Variants in CDK5RAP2 observed in about 807,000 individuals in gnomAD.
CDK5RAP2 encodes CDK5 regulatory subunit-associated protein 2.
Under a neutral mutation model 232.9 loss-of-function variants are expected in CDK5RAP2, and 147 were observed. The ratio of observed to expected loss-of-function variants is 0.63; its 90% CI spans 0.55 to 0.72. The LOEUF (loss-of-function observed/expected upper bound fraction) is 0.72. CDK5RAP2 is among the 30% of genes least tolerant of loss of function. CDK5RAP2 has a pLI of 0.00. For synonymous variants in CDK5RAP2, 833 were observed against 833.7 expected (o/e 1.00, Z 0.01); for missense variants, 2,195 against 2,231.5 (o/e 0.98, Z 0.33).
At chr9:120,431,868 C>T (rs2035303294) in intron 25 of CDK5RAP2, among the ~76,000 whole-genome samples, 1 of 152,196 alleles carries the variant, frequency 6.6e-6, no homozygotes, top group Non-Finnish European at 1.5e-5. Flanking sequence ...ACAGTGGAAA[C>T]TCTGGCTGCA....
chr9:120,482,820 G>C (rs901587521), intron 14 of CDK5RAP2, among the ~76,000 whole-genome samples: 1 of 152,210 alleles, frequency 6.6e-6, no homozygotes, highest in Non-Finnish European at 1.5e-5. Context: ...ATGGAAGTCA[G>C]ACTGAGTCAA....
chr9:120,512,203 G>A (rs2040125828), intron 12 of CDK5RAP2, among the ~76,000 whole-genome samples: 1 of 152,170 alleles, frequency 6.6e-6, no homozygotes, highest in African/African-American at 2.4e-5. Flanking sequence ...TAACAAATTA[G>A]CCAGGTGTGG....
chr9:120,477,284 CGTGTATGCGCGTGCATGTGTGTGT>C (rs1325252372), intron 15 of CDK5RAP2, 42 bp downstream of exon 15: 2 of 1,106,608 alleles, frequency 1.8e-6, no homozygotes, highest in Admixed American at 3.4e-5. Context: ...AGGGTGTGTG[CGTGTATGCGCGTGCATGTGTGTGT>C]GTTCGCATTC....
intron 3 of CDK5RAP2, among the ~76,000 whole-genome samples, chr9:120,551,513 A>G (rs1034168182): frequency 1.3e-5 from 2 of 152,238 alleles, no homozygotes; most frequent in African/African-American, 4.8e-5. Context: ...AAATAAATCA[A>G]TGAGAGCAAA....
rs189277622 is a variant in CDK5RAP2, at chr9:120,399,444, G to A, written c.5451+1298C>T. Among the ~76,000 whole-genome samples the A allele has an allele frequency of 5.3e-5, 8 of 152,260 alleles. No individual in the cohort carries two copies. The East Asian group carries it at 1.3e-3, about 26-fold the overall frequency. On this transcript the variant is annotated intron_variant, in intron 35 of 37. Coordinates refer to ENST00000349780, the MANE Select transcript of CDK5RAP2 (RefSeq NM_018249.6). ...TCTGAAGGAAAATAGAGGAAGACAGGCATTAAACAAATATACAATTATAAC... is the reference window on the plus strand; with the variant it reads ...TCTGAAGGAAAATAGAGGAAGACAGACATTAAACAAATATACAATTATAAC...
intron 3 of CDK5RAP2, among the ~76,000 whole-genome samples, chr9:120,560,946 G>A (rs1047144261): frequency 4.0e-5 from 6 of 151,502 alleles, no homozygotes; most frequent in Non-Finnish European, 7.4e-5. Context: ...AATGGTATGT[G>A]TATACACACA....
In CDK5RAP2 at chr9:120,536,439, G is replaced by A. The variant is rs1405466162; in HGVS notation, c.595C>T (p.Leu199Phe). 1 of 1,614,058 alleles carries A rather than the reference G, an allele frequency of 6.2e-7. No individual in the cohort carries two copies. Among genetic ancestry groups the A allele is most frequent in the Non-Finnish European group, 8.5e-7 (1 of 1,180,032 alleles). The change falls in exon 7 of 38, where the codon CTT becomes TTT. Residue 199 changes from leucine (L) to phenylalanine (F), a missense_variant. Transcript: ENST00000349780. ...KALRLRLESK[L>F]SEMKKMHEGD... ...TCGTGCATCTTCTTCATCTCTGAAA[G>A]CTTGCTTTCCAAACGCAACCGAAGA...
At chr9:120,410,004 C>G (rs10119716) in intron 29 of CDK5RAP2, among the ~76,000 whole-genome samples, 55,333 of 152,010 alleles carry the variant, frequency 0.36, 11,503 homozygotes, top group African/African-American at 0.58. Context: ...AGGACGAGTT[C>G]CCAGCAGTGC....
chr9:120,411,348 T>A lies in CDK5RAP2; in HGVS notation c.4414+10A>T. The A allele has an allele frequency of 3.3e-6, 5 of 1,522,442 alleles. No homozygotes were observed. Among genetic ancestry groups the A allele is most frequent in the Non-Finnish European group, 4.6e-6 (5 of 1,096,290 alleles). 94.3% of individuals were successfully genotyped at this position (1,522,442 alleles called of 1,614,324 possible). A position where few individuals can be genotyped will look rare whatever the true frequency, so the allele number is the denominator to read the frequency against. On this transcript the variant is annotated intron_variant, in intron 29 of 37. Coordinates refer to ENST00000349780, the MANE Select transcript of CDK5RAP2 (RefSeq NM_018249.6). ...CGTTCCAGACTTCCAGTGACTCCTT[T>A]AACTCTTACCTCTGGATCCTTTAAT...
chr9:120,463,207 TA>T (rs1248178765), intron 18 of CDK5RAP2, among the ~76,000 whole-genome samples: 2 of 151,978 alleles, frequency 1.3e-5, no homozygotes, highest in Non-Finnish European at 2.9e-5. Context: ...TTGTCTCTAC[TA>T]AAAATTAAAA....
intron 12 of CDK5RAP2, among the ~76,000 whole-genome samples, chr9:120,517,457 T>G (rs1365095878): frequency 6.6e-6 from 1 of 152,084 alleles, no homozygotes; most frequent in African/African-American, 2.4e-5. Context: ...TTAACCTTCA[T>G]GGCAATGATC....
At chr9:120,533,219 A>T (rs1306336002) in intron 7 of CDK5RAP2, among the ~76,000 whole-genome samples, 15 of 152,150 alleles carry the variant, frequency 9.9e-5, no homozygotes, top group Non-Finnish European at 1.9e-4. Context: ...TGAGAGCACC[A>T]TAGAAGCAGG....
At chr9:120,427,839 T>C (rs1260009084) in intron 25 of CDK5RAP2, among the ~76,000 whole-genome samples, 1 of 152,142 alleles carries the variant, frequency 6.6e-6, no homozygotes, top group African/African-American at 2.4e-5. Flanking sequence ...ATTCCAAAAT[T>C]GACCACATAG....
intron 4 of CDK5RAP2, 80 bp downstream of exon 4, chr9:120,550,712 A>T (rs900175168): frequency 9.3e-6 from 8 of 862,100 alleles, no homozygotes; most frequent in Non-Finnish European, 1.4e-5. Context: ...TAACTCTAAG[A>T]ACAAATATTA....
intron 7 of CDK5RAP2, among the ~76,000 whole-genome samples, chr9:120,530,491 A>C (rs1006693679): frequency 6.6e-6 from 1 of 152,200 alleles, no homozygotes; most frequent in Non-Finnish European, 1.5e-5. Flanking sequence ...CTGAAACCTA[A>C]GCAAACAAAA....
chr9:120,416,974 T>C (rs746394750), intron 27 of CDK5RAP2, among the ~76,000 whole-genome samples: 35 of 152,270 alleles, frequency 2.3e-4, no homozygotes, highest in Non-Finnish European at 5.0e-4. Flanking sequence ...CTCCTGCTAA[T>C]GCCAGAAATG....
At chr9:120,541,688 GTTTCCCCACTCCTCGAACCTTGGT>G (rs1280249926) in intron 5 of CDK5RAP2, among the ~76,000 whole-genome samples, 1 of 152,198 alleles carries the variant, frequency 6.6e-6, no homozygotes, top group Non-Finnish European at 1.5e-5. Flanking sequence ...GCCGCTACAC[GTTTCCCCACTCCTCGAACCTTGGT>G]TTTCTCTCCA....
chr9:120,496,548 C>T (rs1357160961), intron 12 of CDK5RAP2, among the ~76,000 whole-genome samples: 105 of 141,756 alleles, frequency 7.4e-4, no homozygotes, highest in Non-Finnish European at 1.3e-3. Context: ...CCGCCCCGTC[C>T]GGGAGGGAGG....
chr9:120,509,798 G>T (rs1175117690), intron 12 of CDK5RAP2, among the ~76,000 whole-genome samples: 1 of 152,182 alleles, frequency 6.6e-6, no homozygotes, highest in Non-Finnish European at 1.5e-5. Flanking sequence ...AGGCAAACTT[G>T]CTGGTTCACA....
Sources: gnomAD v4.1 joint callset for allele counts (sites outside exome capture counted in the v4.1 genomes callset) on GRCh38, gnomAD v4.1.1 for gene constraint, MANE v1.5 for transcripts, NCBI Gene and HGNC (gene_info 2026-07-23, HGNC 2026-07-21) for gene names.